Variants in NAALAD2 observed in about 807,000 individuals in gnomAD.
NAALAD2 encodes the protein N-acetylated-alpha-linked acidic dipeptidase 2.
In NAALAD2, 89 loss-of-function variants were observed where a neutral mutation model predicts 95.6. That is an observed-to-expected ratio of 0.93 (90% CI 0.78 to 1.11). The LOEUF is 1.11. NAALAD2 is among the 50% of genes least tolerant of loss of function. The pLI, the probability that NAALAD2 is intolerant of heterozygous loss-of-function variation, is 0.00. For synonymous variants in NAALAD2, 264 were observed against 294.4 expected, an observed-to-expected ratio of 0.90 and a Z score of 1.06; for missense variants, 894 against 872.4, an observed-to-expected ratio of 1.02 and a Z score of -0.31.
chr11:90,140,392 A>T (rs565433918), intron 2 of NAALAD2, among the ~76,000 whole-genome samples: 1 of 152,090 alleles, frequency 6.6e-6, no homozygotes, highest in Non-Finnish European at 1.5e-5. Context: ...TGTTATTTTA[A>T]AACAGTAAAT....
At chr11:90,159,651 G>A (rs2134905343) in intron 8 of NAALAD2, among the ~76,000 whole-genome samples, 1 of 152,180 alleles carries the variant, frequency 6.6e-6, no homozygotes, top group East Asian at 1.9e-4. Flanking sequence ...TGATATACAT[G>A]TGAAAAACTA....
intron 12 of NAALAD2, 29 bp downstream of exon 12, chr11:90,169,021 T>G: frequency 6.4e-7 from 1 of 1,552,154 alleles, no homozygotes. Context: ...TGAAGTGAAA[T>G]TTTCAGAAAG....
chr11:90,143,102 G>A (rs1327946520), intron 2 of NAALAD2, among the ~76,000 whole-genome samples: 2 of 151,756 alleles, frequency 1.3e-5, no homozygotes, highest in African/African-American at 4.8e-5. Context: ...TTTTTTCTTT[G>A]AACATGTATA....
intron 16 of NAALAD2, 33 bp downstream of exon 16, chr11:90,178,150 T>G (rs1415732579): frequency 1.9e-6 from 3 of 1,577,006 alleles, no homozygotes; most frequent in South Asian, 2.4e-5. Flanking sequence ...TTTTACAGTC[T>G]TTAAGTTAGA....
At chr11:90,135,796 C>CTTTTT in intron 2 of NAALAD2, 126 bp downstream of exon 2, 2 of 481,928 alleles carry the variant, frequency 4.2e-6, no homozygotes, top group Non-Finnish European at 6.8e-6. Context: ...TAGTCATCAA[C>CTTTTT]TTTTTTTTTT....
In NAALAD2 at chr11:90,165,241, T is replaced by A. The variant is rs547281195; in HGVS notation, c.1278+1624T>A. 3.3e-5 allele frequency among the ~76,000 whole-genome samples: 5 copies of A among 152,340 alleles called. No homozygotes were observed. In the South Asian group the frequency reaches 1.0e-3, roughly 32 times the overall value. On this transcript the variant is annotated intron_variant, in intron 11 of 18. Coordinates refer to ENST00000534061, the MANE Select transcript of NAALAD2 (RefSeq NM_005467.4). Reference sequence around the variant, plus strand: ...GTCATTGATGGATATCTGGGTTGAATTCATGTCTTTGCTATTATGAATAAT... The same window carrying A: ...GTCATTGATGGATATCTGGGTTGAAATCATGTCTTTGCTATTATGAATAAT...
intron 5 of NAALAD2, among the ~76,000 whole-genome samples, chr11:90,151,248 A>G (rs1474696466): frequency 6.6e-6 from 1 of 152,178 alleles, no homozygotes; most frequent in Non-Finnish European, 1.5e-5. Context: ...CGAGGGCACC[A>G]ATCTCATAGA....
chr11:90,159,083 AAGCTCC>A, intron 7 of NAALAD2, 150 bp from the exon 8 acceptor site: 1 of 625,290 alleles, frequency 1.6e-6, no homozygotes. Context: ...GCTAGAAAAT[AAGCTCC>A]ACAAAGGGCG....
intron 2 of NAALAD2, among the ~76,000 whole-genome samples, chr11:90,144,612 T>C (rs1021795146): frequency 6.6e-6 from 1 of 151,494 alleles, no homozygotes; most frequent in Non-Finnish European, 1.5e-5. Context: ...CATTGTGGCA[T>C]GCACCTGTAA....
intron 13 of NAALAD2, among the ~76,000 whole-genome samples, chr11:90,171,591 A>C (rs1033084609): frequency 1.3e-5 from 2 of 152,206 alleles, no homozygotes; most frequent in African/African-American, 4.8e-5. Context: ...GGAGAAGTTG[A>C]CATCTGTGCC....
At chr11:90,138,798 C>T (rs1038824674) in intron 2 of NAALAD2, among the ~76,000 whole-genome samples, 4 of 119,418 alleles carry the variant, frequency 3.3e-5, no homozygotes, top group Non-Finnish European at 5.0e-5. Flanking sequence ...CCTTGTTTGG[C>T]TCTGTCATCA....
chr11:90,154,894 TA>T (rs1952000021), intron 6 of NAALAD2, among the ~76,000 whole-genome samples: 1 of 109,164 alleles, frequency 9.2e-6, no homozygotes, highest in African/African-American at 4.3e-5. Context: ...TATATGTATA[TA>T]TTATATACGT....
At chr11:90,178,330 C>A (rs1952863027) in intron 16 of NAALAD2, among the ~76,000 whole-genome samples, 1 of 152,080 alleles carries the variant, frequency 6.6e-6, no homozygotes, top group Non-Finnish European at 1.5e-5. Context: ...GAGTTATTAC[C>A]ACAAACATTG....
In NAALAD2 at chr11:90,169,006, C is replaced by A. The variant is rs755247058; in HGVS notation, c.1342+14C>A. ...CATCTATAGAAGGTAAATTTTATTT[C>A]AATTTGAAGTGAAATTTTCAGAAAG... On this transcript the variant is annotated intron_variant, in intron 12 of 18. Coordinates refer to ENST00000534061, the MANE Select transcript of NAALAD2 (RefSeq NM_005467.4). The A allele has an allele frequency of 1.5e-5, 24 of 1,578,934 alleles. 1 individual carries two copies. The South Asian group carries it at 1.8e-4, about 12-fold the overall frequency.
Position 90,152,495 on chromosome 11 carries a change from A to T in NAALAD2, c.796+11A>T. On this transcript the variant is annotated intron_variant, in intron 6 of 18. Transcript: ENST00000534061. ...GCTATCCAGCAAAAGGTAAGGGATG[A>T]GCCTATCAGTCCACCAATTTTGCAA... 6.3e-7 allele frequency: 1 copy of T among 1,585,534 alleles called. No homozygotes were observed. Among genetic ancestry groups the T allele is most frequent in the South Asian group, 1.1e-5 (1 of 88,514 alleles).
intron 2 of NAALAD2, among the ~76,000 whole-genome samples, chr11:90,138,597 C>A (rs1272349433): frequency 1.3e-5 from 2 of 151,982 alleles, no homozygotes; most frequent in African/African-American, 4.8e-5. Context: ...TCTGTGTCTT[C>A]TTCCTCATCA....
chr11:90,142,892 C>G (rs1279287127), intron 2 of NAALAD2, among the ~76,000 whole-genome samples: 1 of 151,896 alleles, frequency 6.6e-6, no homozygotes, highest in Admixed American at 6.6e-5. Flanking sequence ...AGTGGATACT[C>G]TAAAGGTTAT....
chr11:90,161,930 A>C (rs1378570666), intron 8 of NAALAD2, among the ~76,000 whole-genome samples: 1 of 152,096 alleles, frequency 6.6e-6, no homozygotes, highest in Non-Finnish European at 1.5e-5. Flanking sequence ...AAAATGAAAA[A>C]AAAAAAAACA....
chr11:90,155,476 G>GTATATAT lies in NAALAD2; in HGVS notation c.797-2661_797-2655dup, dbSNP rs1256940233. On this transcript the variant is annotated intron_variant, in intron 6 of 18. Transcript: ENST00000534061. ...GTAATATGTAATATTACATATACATGTATATATTATATATAATATATTATA... is the reference window on the plus strand; with the variant it reads ...GTAATATGTAATATTACATATACATGTATATATTATATATTATATATAATATATTATA... Among the ~76,000 whole-genome samples the GTATATAT allele has an allele frequency of 2.4e-3, 249 of 103,398 alleles. 3 individuals carry two copies. The highest frequency in any genetic ancestry group is 9.6e-3 in the African/African-American group (238 of 24,902). The allele number at this position is 103,398 out of a possible 152,430, so 67.8% of individuals were successfully genotyped here.
Sources: allele counts gnomAD v4.1 joint callset (sites outside exome capture counted in the v4.1 genomes callset), GRCh38; gene constraint gnomAD v4.1.1; transcripts MANE v1.5; gene names NCBI Gene and HGNC (gene_info 2026-07-23, HGNC 2026-07-21).